The following BCOR variants were observed in gnomAD, a reference collection of about 807,000 sequenced individuals.
BCOR encodes the protein BCL6 corepressor, also known as BCL-6 corepressor.
A neutral mutation model predicts 86.7 loss-of-function variants in BCOR; 10 were observed. The observed-to-expected ratio is 0.12, with a 90% CI of 0.07 to 0.20. The LOEUF is 0.20. Ranked by LOEUF, BCOR falls within the 10% of genes least tolerant of loss-of-function variation. BCOR has a pLI of 1.00. For synonymous variants in BCOR, 611 were observed against 609.0 expected (o/e 1.00, Z -0.05); for missense variants, 1,259 against 1,452.1 (o/e 0.87, Z 2.16).
intron 8 of BCOR, 39 bp from the exon 9 acceptor site, chrX:40,063,110 G>GGGGGGGGGGC (rs1569147512): frequency 6.2e-6 from 4 of 644,519 alleles, no homozygotes; most frequent in African/African-American, 2.8e-5. Context: ...GGGCGGATGG[G>GGGGGGGGGGC]AGACGGGAGA....
At chrX:40,136,396 G>A (rs779405900) in intron 1 of BCOR, among the ~76,000 whole-genome samples, 17 of 111,683 alleles carry the variant, frequency 1.5e-4, no homozygotes, top group Non-Finnish European at 2.6e-4. Flanking sequence ...GCCTGAGCAC[G>A]TTACTCGGTC....
At chrX:40,167,732 G>A (rs1379337806) in intron 1 of BCOR, among the ~76,000 whole-genome samples, 1 of 111,422 alleles carries the variant, frequency 9.0e-6, no homozygotes, top group Non-Finnish European at 1.9e-5. Flanking sequence ...TTGTCTCTGC[G>A]GCGACACACA....
chrX:40,083,207 G>A (rs189674440), intron 1 of BCOR, among the ~76,000 whole-genome samples: 1,334 of 111,061 alleles, frequency 0.012, 22 homozygotes, highest in African/African-American at 0.042. Context: ...TGGAGAGTAA[G>A]ATACCCCAAG....
chrX:40,092,876 T>TG (rs770781285), intron 1 of BCOR, among the ~76,000 whole-genome samples: 3 of 112,506 alleles, frequency 2.7e-5, no homozygotes, highest in Non-Finnish European at 5.6e-5. Flanking sequence ...TGAATGTGGT[T>TG]GTGTGGCCCA....
chrX:40,096,794 G>A (rs1936898991), intron 1 of BCOR, among the ~76,000 whole-genome samples: 1 of 112,111 alleles, frequency 8.9e-6, no homozygotes, highest in Non-Finnish European at 1.9e-5. Context: ...TCCCCTTCCT[G>A]CTCGCGAGCT....
At chrX:40,076,627 ATTTTTAAAAC>A (rs1935820483) in intron 2 of BCOR, 95 bp from the exon 3 acceptor site, 2 of 679,534 alleles carry the variant, frequency 2.9e-6, no homozygotes, top group Non-Finnish European at 2.3e-6. Flanking sequence ...TACTAACCCA[ATTTTTAAAAC>A]TGTCCTTAAC....
chrX:40,069,860 A>G (rs1935386853), intron 6 of BCOR, among the ~76,000 whole-genome samples: 1 of 112,246 alleles, frequency 8.9e-6, no homozygotes, highest in South Asian at 3.7e-4. Context: ...CTGCCACTTG[A>G]GTAAGGCCAC....
At chrX:40,175,679 C>A (rs942221441) in intron 1 of BCOR, among the ~76,000 whole-genome samples, 2 of 112,775 alleles carry the variant, frequency 1.8e-5, no homozygotes, top group Non-Finnish European at 3.8e-5. Flanking sequence ...CGACTCCAAG[C>A]AGACGTTGCA....
At chrX:40,148,518 A>G (rs758623401) in intron 1 of BCOR, among the ~76,000 whole-genome samples, 25 of 111,082 alleles carry the variant, frequency 2.3e-4, no homozygotes, top group African/African-American at 7.5e-4. Flanking sequence ...TGAGAGATCA[A>G]GCAGAGGTGG....
chrX:40,171,496 TGG>T lies in BCOR; in HGVS notation c.-41+5509_-41+5510del, dbSNP rs10708196. ...TTCATGTGTTTAGGTTTAATCCCCATGGGGGGGGGGCGTAAGGAGAATGGGGG... is the reference window on the plus strand; with the variant it reads ...TTCATGTGTTTAGGTTTAATCCCCATGGGGGGGGCGTAAGGAGAATGGGGG... On this transcript the variant is annotated intron_variant, in intron 1 of 14. Transcript: ENST00000342274. Among the ~76,000 whole-genome samples the T allele has an allele frequency of 1.4e-3, 87 of 63,882 alleles. 1 individual carries two copies. The highest frequency in any genetic ancestry group is 3.7e-3 in the African/African-American group (80 of 21,734). The allele number at this position is 63,882 out of a possible 115,157, so 55.5% of individuals were successfully genotyped here.
intron 1 of BCOR, among the ~76,000 whole-genome samples, chrX:40,119,626 G>T (rs1489868351): frequency 9.1e-6 from 1 of 110,357 alleles, no homozygotes; most frequent in Non-Finnish European, 1.9e-5. Flanking sequence ...GTGACAGAGT[G>T]AGACTCTGTC....
intron 1 of BCOR, among the ~76,000 whole-genome samples, chrX:40,126,556 A>C (rs1438677696): frequency 1.8e-5 from 2 of 110,433 alleles, no homozygotes; most frequent in East Asian, 2.8e-4. Context: ...AAGAAAAAAA[A>C]CCACGAAAAC....
At chrX:40,062,527 G>A in intron 9 of BCOR, 134 bp from the exon 10 acceptor site, 1 of 935,506 alleles carries the variant, frequency 1.1e-6, no homozygotes, top group Non-Finnish European at 1.5e-6. Flanking sequence ...TGGGGGTGGG[G>A]GGTGCCTGTC....
chrX:40,147,233 G>T (rs1178057473), intron 1 of BCOR, among the ~76,000 whole-genome samples: 1 of 112,343 alleles, frequency 8.9e-6, no homozygotes, highest in Non-Finnish European at 1.9e-5. Flanking sequence ...TTGAAAGTTG[G>T]GAGAGCGCCA....
chrX:40,146,699 C>G (rs1282039572), intron 1 of BCOR: 1 of 112,424 alleles, frequency 8.9e-6, no homozygotes. Context: ...CCGCCGCGCC[C>G]GCCCCCGTGG....
chrX:40,163,589 C>T (rs1253893209), intron 1 of BCOR, among the ~76,000 whole-genome samples: 2 of 82,043 alleles, frequency 2.4e-5, no homozygotes, highest in Non-Finnish European at 2.3e-5. Context: ...CCCACCCCCA[C>T]CCCCACCCCA....
rs771410219 is a variant in BCOR at position 40,074,004 on chromosome X, C to T, written c.1342G>A (p.Val448Met). 7 of 1,210,982 alleles carry T rather than the reference C, an allele frequency of 5.8e-6. No homozygotes were observed. The highest frequency in any genetic ancestry group is 2.3e-4 in the Middle Eastern group (1 of 4,374). The change falls in exon 4 of 15, where the codon GTG becomes ATG. Residue 448 changes from valine to methionine, a missense_variant. Val to Met is a conservative substitution (Grantham distance 21, BLOSUM62 1). This residue lies in a region of BCOR where 534 missense variants were observed against 594.8 expected (regional missense o/e 0.90). Coordinates refer to ENST00000378444, the MANE Select transcript of BCOR (RefSeq NM_001123385.2). ...TCAGCTTTGGAAGCATCTACATCCA[C>T]CACTTTAGAAGACAAGTCTAGTGGC... ...DKPLDLSSKV[V>M]DVDASKADHM...
intron 1 of BCOR, among the ~76,000 whole-genome samples, chrX:40,148,115 C>T (rs1246248720): frequency 8.9e-6 from 1 of 112,307 alleles, no homozygotes; most frequent in Admixed American, 9.4e-5. Flanking sequence ...ACCGCATTTC[C>T]ATTTGGCCTT....
intron 1 of BCOR, among the ~76,000 whole-genome samples, chrX:40,119,652 A>G (rs1307906387): frequency 9.1e-6 from 1 of 110,206 alleles, no homozygotes; most frequent in Non-Finnish European, 1.9e-5. Context: ...AAAAAAAAGA[A>G]GAGGAGTCAA....
Sources: gnomAD v4.1 joint callset for allele counts (sites outside exome capture counted in the v4.1 genomes callset) on GRCh38, gnomAD v4.1.1 for gene constraint, gnomAD v4.1.1 regional missense constraint, MANE v1.5 for transcripts, NCBI Gene and HGNC (gene_info 2026-07-23, HGNC 2026-07-21) for gene names.